Variants in GTF2A2 observed in about 807,000 individuals in gnomAD.
GTF2A2 encodes transcription initiation factor IIA subunit 2.
GTF2A2 carries 9 observed loss-of-function variants against 14.3 expected under a neutral mutation model. That is an observed-to-expected ratio of 0.63 (90% CI 0.38 to 1.10). The LOEUF (loss-of-function observed/expected upper bound fraction) is 1.10, where lower values mean the gene tolerates loss of function less well. GTF2A2 is among the 50% of genes least tolerant of loss of function. The probability of loss-of-function intolerance (pLI) is 0.01; values close to 1 mark genes in which losing one functional copy is unlikely to be tolerated. For synonymous variants in GTF2A2, 56 were observed against 46.0 expected (o/e 1.22, Z -0.88); for missense variants, 90 against 124.6 (o/e 0.72, Z 1.32).
chr15:59,649,782 C>T (rs1443194842), intron 3 of GTF2A2, among the ~76,000 whole-genome samples: 1 of 151,964 alleles, frequency 6.6e-6, no homozygotes, highest in Non-Finnish European at 1.5e-5. Context: ...TAGAACATGC[C>T]TGGTATGTTA....
At chr15:59,656,746 T>G (rs1461738631) in intron 1 of GTF2A2, 2 of 152,010 alleles carry the variant, frequency 1.3e-5, no homozygotes, top group African/African-American at 4.8e-5. Flanking sequence ...TTTGACAAAT[T>G]TTTGAGTTTA....
intron 1 of GTF2A2, among the ~76,000 whole-genome samples, chr15:59,652,604 C>T (rs1452693793): frequency 6.6e-6 from 1 of 152,136 alleles, no homozygotes; most frequent in African/African-American, 2.4e-5. Context: ...TGTCTGCCTT[C>T]TGACTTAGTC....
chr15:59,651,921 C>T (rs537301434), intron 2 of GTF2A2: 41 of 250,136 alleles, frequency 1.6e-4, no homozygotes, highest in African/African-American at 8.0e-4. Flanking sequence ...TGGCCTCAAG[C>T]GATCCTTCCA....
chr15:59,643,593 T>C (rs1435173861), intron 3 of GTF2A2, among the ~76,000 whole-genome samples: 5 of 138,938 alleles, frequency 3.6e-5, no homozygotes, highest in African/African-American at 1.3e-4. Flanking sequence ...AGGAAATTTT[T>C]ACTTTTTTTT....
chr15:59,643,920 A>C (rs1891518775), intron 3 of GTF2A2, among the ~76,000 whole-genome samples: 1 of 151,654 alleles, frequency 6.6e-6, no homozygotes, highest in Non-Finnish European at 1.5e-5. Context: ...TTTGAGATAG[A>C]GTCTCACTCT....
intron 2 of GTF2A2, chr15:59,651,050 G>A (rs1331215154): frequency 3.9e-6 from 1 of 255,416 alleles, no homozygotes; most frequent in Non-Finnish European, 7.4e-6. Context: ...TGGCTGGAAA[G>A]GAGAAGATAG....
chr15:59,646,169 G>A (rs1891599719), intron 3 of GTF2A2, among the ~76,000 whole-genome samples: 2 of 152,022 alleles, frequency 1.3e-5, no homozygotes, highest in African/African-American at 4.8e-5. Flanking sequence ...TGATTCTCCT[G>A]CCTTGGCTTC....
intron 4 of GTF2A2, 91 bp from the exon 5 acceptor site, chr15:59,639,248 C>A (rs1421044539): frequency 3.8e-6 from 3 of 799,466 alleles, no homozygotes; most frequent in African/African-American, 3.4e-5. Flanking sequence ...AAAATGAGAA[C>A]ACAGGACTAA....
chr15:59,644,059 T>A (rs540190752), intron 3 of GTF2A2, among the ~76,000 whole-genome samples: 2 of 152,078 alleles, frequency 1.3e-5, no homozygotes, highest in Non-Finnish European at 2.9e-5. Context: ...CATGTCAGAC[T>A]TATTTTTGTA....
intron 4 of GTF2A2, among the ~76,000 whole-genome samples, chr15:59,639,372 A>G (rs1891309006): frequency 6.6e-6 from 1 of 152,152 alleles, no homozygotes; most frequent in African/African-American, 2.4e-5. Context: ...TTAGCTCCTC[A>G]TATTCATACT....
In GTF2A2 at chr15:59,640,715, AAAAT is replaced by A. The variant is rs1486102313; in HGVS notation, c.304+1417_304+1420del. Among the ~76,000 whole-genome samples, 16 of 152,326 alleles carry A rather than the reference AAAAT, an allele frequency of 1.1e-4. No individual in the cohort carries two copies. The South Asian group carries it at 1.7e-3, about 16-fold the overall frequency. ...AATCCCTGAATTCTACAGACTAATA[AAAAT>A]AAATATAACAAGGGTTACGAGGATG... On this transcript the variant is annotated intron_variant, in intron 4 of 4. Coordinates refer to ENST00000396060, the MANE Select transcript of GTF2A2 (RefSeq NM_004492.3).
In GTF2A2 at chr15:59,639,347, G is replaced by C. The variant is rs148072086; in HGVS notation, c.305-190C>G. Among the ~76,000 whole-genome samples, 356 of 152,232 alleles carry C rather than the reference G, an allele frequency of 2.3e-3. 2 individuals carry two copies. Among genetic ancestry groups the C allele is most frequent in the Middle Eastern group, 0.014 (4 of 294 alleles). ...ACTTCAGTAAGTTTCCTTTTAAGCA[G>C]AGATACAAAGATGCTTAGCTCCTCA... On this transcript the variant is annotated intron_variant, in intron 4 of 4. Coordinates refer to ENST00000396060, the MANE Select transcript of GTF2A2 (RefSeq NM_004492.3).
intron 1 of GTF2A2, among the ~76,000 whole-genome samples, chr15:59,654,988 C>G (rs1176811759): frequency 6.6e-6 from 1 of 152,218 alleles, no homozygotes. Context: ...GATGCCCAAC[C>G]TGTACCCATA....
intron 1 of GTF2A2, among the ~76,000 whole-genome samples, chr15:59,654,415 G>A (rs1891883829): frequency 6.6e-6 from 1 of 151,946 alleles, no homozygotes; most frequent in Admixed American, 6.6e-5. Context: ...CAGATCTCTG[G>A]GTCAAGCATT....
intron 1 of GTF2A2, among the ~76,000 whole-genome samples, chr15:59,656,596 T>C (rs1891950136): frequency 6.6e-6 from 1 of 151,922 alleles, no homozygotes; most frequent in Non-Finnish European, 1.5e-5. Context: ...CAAAAAAAAA[T>C]CTGTTCAGTA....
intron 1 of GTF2A2, 185 bp downstream of exon 1, chr15:59,657,221 A>C (rs7162788): frequency 0.97 from 147,865 of 152,542 alleles, 71,836 homozygotes; most frequent in East Asian, 1. Flanking sequence ...CGCGACCATC[A>C]CCGCCGCCTC....
At chr15:59,647,261 T>C (rs1294330199) in intron 3 of GTF2A2, among the ~76,000 whole-genome samples, 1 of 151,746 alleles carries the variant, frequency 6.6e-6, no homozygotes, top group East Asian at 1.9e-4. Flanking sequence ...CCCAGCTACT[T>C]TGTTTGTTTT....
intron 3 of GTF2A2, among the ~76,000 whole-genome samples, chr15:59,644,673 T>G (rs1891544366): frequency 6.6e-6 from 1 of 152,190 alleles, no homozygotes; most frequent in Non-Finnish European, 1.5e-5. Context: ...GGCAGAGAGC[T>G]TCTCTCAAAA....
At chr15:59,648,265 G>T (rs1356036151) in intron 3 of GTF2A2, among the ~76,000 whole-genome samples, 1 of 151,882 alleles carries the variant, frequency 6.6e-6, no homozygotes, top group Non-Finnish European at 1.5e-5. Context: ...AAAATTAGCT[G>T]GGCGTTGTGG....
Sources: gnomAD v4.1 joint callset for allele counts (sites outside exome capture counted in the v4.1 genomes callset) on GRCh38, gnomAD v4.1.1 for gene constraint, MANE v1.5 for transcripts, NCBI Gene and HGNC (gene_info 2026-07-23, HGNC 2026-07-21) for gene names.